ATP8B4: variants seen among roughly 807,000 people sequenced by gnomAD.
ATP8B4 encodes the protein probable phospholipid-transporting ATPase IM.
Under a neutral mutation model 145.6 loss-of-function variants are expected in ATP8B4, and 133 were observed. The ratio of observed to expected loss-of-function variants is 0.91; its 90% CI spans 0.79 to 1.05. The LOEUF is 1.05. Among genes scored for constraint, ATP8B4 ranks in the 50% least tolerant of loss-of-function variants. The pLI is 0.00. For missense variants in ATP8B4, 1,458 were observed against 1,425.2 expected (o/e 1.02, Z -0.37); for synonymous variants, 507 against 492.9 (o/e 1.03, Z -0.38).
At chr15:49,979,268 G>C (rs888138344) in intron 12 of ATP8B4, among the ~76,000 whole-genome samples, 6 of 151,996 alleles carry the variant, frequency 3.9e-5, no homozygotes, top group Admixed American at 6.6e-5. Context: ...TGGCAAAGAG[G>C]CACCCTCTCT....
At chr15:50,167,362 C>G (rs192241695) in intron 1 of ATP8B4, among the ~76,000 whole-genome samples, 81 of 152,202 alleles carry the variant, frequency 5.3e-4, no homozygotes, top group African/African-American at 1.9e-3. Context: ...CCATTCCAGG[C>G]CTCTCTCATA....
At chr15:50,074,415 C>G (rs376769081) in intron 2 of ATP8B4, among the ~76,000 whole-genome samples, 1 of 152,170 alleles carries the variant, frequency 6.6e-6, no homozygotes, top group Admixed American at 6.5e-5. Flanking sequence ...AACCATAAAG[C>G]AAAACATTAT....
At chr15:50,072,999 T>C (rs2053917689) in intron 3 of ATP8B4, among the ~76,000 whole-genome samples, 1 of 52,382 alleles carries the variant, frequency 1.9e-5, no homozygotes, top group Non-Finnish European at 3.3e-5. Flanking sequence ...TATATATATA[T>C]ATATATATAT....
intron 1 of ATP8B4, among the ~76,000 whole-genome samples, chr15:50,133,113 T>A (rs8036504): frequency 0.99 from 150,510 of 152,342 alleles, 74,373 homozygotes; most frequent in Non-Finnish European, 1. Context: ...GTATAATTTT[T>A]AAAAAACTTG....
chr15:50,091,090 ATCAAAAGAGAGTCCAG>A (rs551091966), intron 2 of ATP8B4, among the ~76,000 whole-genome samples: 80 of 152,308 alleles, frequency 5.3e-4, no homozygotes, highest in African/African-American at 1.9e-3. Flanking sequence ...TCATTCTGCC[ATCAAAAGAGAGTCCAG>A]ATTTCAAAAT....
chr15:49,961,944 A>G lies in ATP8B4; in HGVS notation c.1287+33T>C, dbSNP rs779761133. 10 of 1,540,378 alleles carry G rather than the reference A, an allele frequency of 6.5e-6. No homozygotes were observed. The South Asian group carries it at 1.2e-4, about 19-fold the overall frequency. On this transcript the variant is annotated intron_variant, in intron 14 of 27. Transcript: ENST00000284509. Reference sequence around the variant, plus strand: ...TTAAAAGTACATATAATTTGAAATTAAAACTAAGAATAAAATTTTATCACT... The same window carrying G: ...TTAAAAGTACATATAATTTGAAATTGAAACTAAGAATAAAATTTTATCACT...
At chr15:50,136,360 CTG>C (rs918797542) in intron 1 of ATP8B4, among the ~76,000 whole-genome samples, 1 of 152,200 alleles carries the variant, frequency 6.6e-6, no homozygotes, top group Non-Finnish European at 1.5e-5. Flanking sequence ...AAACTTCAAA[CTG>C]TGGGCACTTC....
At chr15:49,871,890 TG>T (rs1445302478) in intron 25 of ATP8B4, among the ~76,000 whole-genome samples, 1 of 151,870 alleles carries the variant, frequency 6.6e-6, no homozygotes, top group African/African-American at 2.4e-5. Flanking sequence ...ATGGTGGGAG[TG>T]GGACTGGGAG....
intron 23 of ATP8B4, among the ~76,000 whole-genome samples, chr15:49,890,006 AT>A (rs1381647407): frequency 6.6e-6 from 1 of 152,174 alleles, no homozygotes; most frequent in Non-Finnish European, 1.5e-5. Flanking sequence ...TCCAAAAGAA[AT>A]TTTTGGTAGA....
chr15:49,945,392 C>T (rs2042480780), intron 14 of ATP8B4, among the ~76,000 whole-genome samples: 1 of 152,056 alleles, frequency 6.6e-6, no homozygotes, highest in Non-Finnish European at 1.5e-5. Context: ...AAGAAAAGCC[C>T]AAGACCAGAT....
At chr15:49,874,269 A>G (rs1375364931) in intron 25 of ATP8B4, among the ~76,000 whole-genome samples, 1 of 152,252 alleles carries the variant, frequency 6.6e-6, no homozygotes, top group East Asian at 1.9e-4. Context: ...TTTCTATTCC[A>G]CTAGAGAAAA....
At chr15:49,932,782 G>C (rs1361202451) in intron 15 of ATP8B4, among the ~76,000 whole-genome samples, 1 of 152,012 alleles carries the variant, frequency 6.6e-6, no homozygotes. Context: ...AGAGTCCAGT[G>C]AAAGATGGCC....
chr15:50,074,017 G>C, intron 3 of ATP8B4, 110 bp downstream of exon 3: 1 of 797,918 alleles, frequency 1.3e-6, no homozygotes, highest in South Asian at 1.9e-5. Context: ...GTCAAAATGG[G>C]CCAATGAAGA....
intron 23 of ATP8B4, among the ~76,000 whole-genome samples, chr15:49,889,637 T>G (rs1164002570): frequency 6.6e-6 from 1 of 152,150 alleles, no homozygotes; most frequent in Non-Finnish European, 1.5e-5. Flanking sequence ...ACAGCTGGAT[T>G]TGCCTACACA....
intron 1 of ATP8B4, among the ~76,000 whole-genome samples, chr15:50,111,047 T>C (rs1441179987): frequency 6.6e-6 from 1 of 152,218 alleles, no homozygotes; most frequent in African/African-American, 2.4e-5. Context: ...CACCTTGATA[T>C]TGAAGATACC....
chr15:50,156,117 TAAATATATTTATATATATATAA>T (rs1567410610), intron 1 of ATP8B4, among the ~76,000 whole-genome samples: 1,315 of 15,390 alleles, frequency 0.085, 189 homozygotes, highest in Non-Finnish European at 0.12. Context: ...AATATATATA[TAAATATATTTATATATATATAA>T]ATATATATAT....
At chr15:49,999,658 A>G (rs560856907) in intron 8 of ATP8B4, among the ~76,000 whole-genome samples, 6 of 152,282 alleles carry the variant, frequency 3.9e-5, no homozygotes, top group African/African-American at 1.4e-4. Flanking sequence ...GATTTTCAGC[A>G]TAAGAAACAA....
At chr15:49,984,922 G>C (rs1344141495) in intron 10 of ATP8B4, among the ~76,000 whole-genome samples, 1 of 152,104 alleles carries the variant, frequency 6.6e-6, no homozygotes, top group East Asian at 1.9e-4. Flanking sequence ...CCTCTCTTGA[G>C]CATAAAGAAG....
At chr15:50,173,667 C>CCT (rs2044721695) in intron 1 of ATP8B4, among the ~76,000 whole-genome samples, 1 of 151,846 alleles carries the variant, frequency 6.6e-6, no homozygotes, top group African/African-American at 2.4e-5. Flanking sequence ...GCCAAATCCC[C>CCT]CTCTCCGAGA....
Sources: allele counts gnomAD v4.1 joint callset (sites outside exome capture counted in the v4.1 genomes callset), GRCh38; gene constraint gnomAD v4.1.1; transcripts MANE v1.5; gene names NCBI Gene and HGNC (gene_info 2026-07-23, HGNC 2026-07-21).